The following PPHLN1 variants were observed in gnomAD, a reference collection of about 807,000 sequenced individuals.
PPHLN1 encodes the protein periphilin 1.
A neutral mutation model predicts 51.3 loss-of-function variants in PPHLN1; 29 were observed. The observed-to-expected ratio is 0.57, with a 90% confidence interval of 0.42 to 0.77. PPHLN1 has a LOEUF of 0.77. PPHLN1 is among the 30% of genes least tolerant of loss of function. PPHLN1 has a pLI of 0.00. For synonymous variants in PPHLN1, 147 were observed against 147.8 expected (o/e 0.99, Z 0.04); for missense variants, 436 against 438.4 (o/e 0.99, Z 0.05).
intron 1 of PPHLN1, among the ~76,000 whole-genome samples, chr12:42,328,468 A>G (rs947083536): frequency 2.6e-5 from 4 of 152,202 alleles, no homozygotes; most frequent in African/African-American, 9.7e-5. Flanking sequence ...AAGGAGGCTG[A>G]CCGGTTAAGG....
chr12:42,420,376 G>C (rs2080878505), intron 9 of PPHLN1, among the ~76,000 whole-genome samples: 1 of 151,108 alleles, frequency 6.6e-6, no homozygotes, highest in Non-Finnish European at 1.5e-5. Flanking sequence ...TTTGAAACTT[G>C]TCTCTTTGTG....
chr12:42,445,673 G>GT (rs771735185), downstream of PPHLN1: 2 of 253,488 alleles, frequency 7.9e-6, no homozygotes, highest in Non-Finnish European at 7.5e-6. Context: ...CAGGCATCCC[G>GT]TACAACCCCC....
chr12:42,343,065 G>A (rs1400281704), intron 2 of PPHLN1, among the ~76,000 whole-genome samples: 3 of 152,258 alleles, frequency 2.0e-5, no homozygotes, highest in Non-Finnish European at 2.9e-5. Flanking sequence ...GTTCTCAAAT[G>A]TAAATGTACT....
intron 7 of PPHLN1, among the ~76,000 whole-genome samples, chr12:42,391,036 A>G (rs1455859924): frequency 1.3e-5 from 2 of 152,104 alleles, no homozygotes; most frequent in African/African-American, 4.8e-5. Context: ...CATATTCAGA[A>G]GGTAGCGCCC....
At chr12:42,392,853 A>G (rs574107485) in intron 7 of PPHLN1, among the ~76,000 whole-genome samples, 3 of 152,062 alleles carry the variant, frequency 2.0e-5, no homozygotes, top group East Asian at 1.9e-4. Context: ...TTCCAGATCT[A>G]TTACCTCCTT....
intron 9 of PPHLN1, chr12:42,432,450 C>G (rs1187675184): frequency 3.9e-6 from 3 of 763,080 alleles, no homozygotes; most frequent in Non-Finnish European, 7.4e-6. Flanking sequence ...ATACTGTCTT[C>G]TCTGGGTAGT....
At chr12:42,342,518 C>T (rs1287725233) in intron 2 of PPHLN1, among the ~76,000 whole-genome samples, 1 of 152,182 alleles carries the variant, frequency 6.6e-6, no homozygotes, top group Non-Finnish European at 1.5e-5. Context: ...TTTAATGAAG[C>T]TGCAACATAA....
At chr12:42,421,056 T>A (rs1796355) in intron 9 of PPHLN1, among the ~76,000 whole-genome samples, 45,030 of 151,952 alleles carry the variant, frequency 0.3, 7,743 homozygotes, top group Non-Finnish European at 0.38. Context: ...AGTTTGCATG[T>A]GGATCAGTTG....
At chr12:42,446,705 T>C (rs888045321), downstream of PPHLN1, 32 of 1,513,690 alleles carry the variant, frequency 2.1e-5, no homozygotes, top group Non-Finnish European at 2.5e-5. Context: ...AGGGGTGATG[T>C]AGGAGATGGT....
intron 9 of PPHLN1, chr12:42,431,721 T>G: frequency 9.2e-7 from 1 of 1,085,624 alleles, no homozygotes. Flanking sequence ...TTTTAAGGTA[T>G]TAATCTTTTC....
intron 9 of PPHLN1, among the ~76,000 whole-genome samples, chr12:42,417,692 TGAA>T (rs1042938067): frequency 1.4e-5 from 2 of 145,438 alleles, no homozygotes; most frequent in Non-Finnish European, 3.0e-5. Context: ...GATAAGGTGG[TGAA>T]GATGATGATT....
chr12:42,372,423 A>G (rs1215329380), intron 4 of PPHLN1, among the ~76,000 whole-genome samples: 1 of 152,236 alleles, frequency 6.6e-6, no homozygotes, highest in East Asian at 1.9e-4. Flanking sequence ...TGTCTCTTCA[A>G]TAGAGGAAGG....
At chr12:42,400,797 TTCA>T (rs1171361441) in intron 9 of PPHLN1, among the ~76,000 whole-genome samples, 213 of 95,718 alleles carry the variant, frequency 2.2e-3, no homozygotes, top group African/African-American at 3.3e-3. Flanking sequence ...CTCTCTCTCT[TTCA>T]CACACACACA....
chr12:42,445,128 C>T (rs1374092228), downstream of PPHLN1: 2 of 702,282 alleles, frequency 2.8e-6, no homozygotes, highest in South Asian at 3.0e-5. Context: ...ATTGCTAAAT[C>T]AATGTACACA....
chr12:42,406,596 A>T (rs572678821), intron 9 of PPHLN1, among the ~76,000 whole-genome samples: 56 of 152,226 alleles, frequency 3.7e-4, no homozygotes, highest in African/African-American at 1.3e-3. Flanking sequence ...ACGGCTATTG[A>T]AATTCTTGTC....
chr12:42,333,707 C>T (rs577539318), intron 1 of PPHLN1, among the ~76,000 whole-genome samples: 58 of 152,278 alleles, frequency 3.8e-4, no homozygotes, highest in African/African-American at 1.3e-3. Flanking sequence ...TGGTCTCGAT[C>T]TCCTGACCTC....
rs181647338 is a variant in PPHLN1, at chr12:42,412,120, G to C, written c.909+13126G>C. On this transcript the variant is annotated intron_variant, in intron 9 of 9. Coordinates refer to ENST00000358314, the MANE Select transcript of PPHLN1 (RefSeq NM_201439.2). ...CTCGAGAGGCTGAGGCAGAAGAATT[G>C]CTTGAACCCAGGAGGCGGAGGTTGC... 5.3e-3 allele frequency among the ~76,000 whole-genome samples: 802 copies of C among 152,068 alleles called. 5 individuals carry two copies. Among genetic ancestry groups the C allele is most frequent in the African/African-American group, 0.018 (757 of 41,444 alleles).
chr12:42,437,391 G>C (rs2082571730), intron 9 of PPHLN1, among the ~76,000 whole-genome samples: 1 of 152,156 alleles, frequency 6.6e-6, no homozygotes, highest in Non-Finnish European at 1.5e-5. Flanking sequence ...GCACTATTCT[G>C]AGTGTTCTGT....
At chr12:42,377,947 C>T (rs931720346) in intron 5 of PPHLN1, among the ~76,000 whole-genome samples, 4 of 152,126 alleles carry the variant, frequency 2.6e-5, no homozygotes, top group African/African-American at 7.2e-5. Flanking sequence ...CTCCAATATC[C>T]TTCACTCATC....
Sources: gnomAD v4.1 joint callset for allele counts (sites outside exome capture counted in the v4.1 genomes callset) on GRCh38, gnomAD v4.1.1 for gene constraint, MANE v1.5 for transcripts, NCBI Gene and HGNC (gene_info 2026-07-23, HGNC 2026-07-21) for gene names.